PRDM10: variants seen among roughly 807,000 people sequenced by gnomAD.
PRDM10 encodes the protein PR/SET domain 10.
PRDM10 carries 65 observed loss-of-function variants against 133.1 expected under a neutral mutation model. The ratio of observed to expected loss-of-function variants is 0.49; its 90% CI spans 0.40 to 0.60. PRDM10 has a LOEUF of 0.60. Among genes scored for constraint, PRDM10 ranks in the 20% least tolerant of loss-of-function variants. PRDM10 has a pLI of 0.00. For synonymous variants in PRDM10, 582 were observed against 580.4 expected, an observed-to-expected ratio of 1.00 and a Z score of -0.04; for missense variants, 1,137 against 1,507.1, an observed-to-expected ratio of 0.75 and a Z score of 4.07.
At chr11:129,977,791 C>CA (rs1373716674) in intron 1 of PRDM10, among the ~76,000 whole-genome samples, 4 of 151,894 alleles carry the variant, frequency 2.6e-5, no homozygotes, top group Non-Finnish European at 5.9e-5. Flanking sequence ...CCCACTTTTA[C>CA]AAAAAATGCA....
rs1951350024 is a variant in PRDM10 at position 129,944,788 on chromosome 11, A to C, written c.745T>G (p.Cys249Gly). 8.1e-6 allele frequency: 13 copies of C among 1,613,794 alleles called. No homozygotes were observed. The East Asian group carries it at 2.7e-4, about 33-fold the overall frequency. Residue 249 changes from cysteine to glycine, a missense_variant, in exon 6 of 21, where the codon TGT becomes GGT. Physicochemically the swap from Cys to Gly is radical, Grantham distance 159 (BLOSUM62 -3). Transcript: ENST00000360871. ...PLVRGSELKD[C>G]YIHLKVSLDK... ...TAAATTACCTTGAGGTGAATGTAAC[A>C]GTCTTTCAGCTCCGAGCCCCTGACG...
intron 18 of PRDM10, 122 bp downstream of exon 18, chr11:129,911,962 TA>T: frequency 7.8e-7 from 1 of 1,282,420 alleles, no homozygotes. Context: ...GATCCTTTAA[TA>T]AAAATCCAAA....
chr11:129,921,531 C>G (rs533171232), intron 13 of PRDM10, among the ~76,000 whole-genome samples: 1 of 152,136 alleles, frequency 6.6e-6, no homozygotes, highest in South Asian at 2.1e-4. Context: ...GATTTATCTG[C>G]GTGAAGAGCT....
intron 11 of PRDM10, among the ~76,000 whole-genome samples, chr11:129,930,372 C>T (rs1220039983): frequency 2.6e-5 from 4 of 152,228 alleles, no homozygotes; most frequent in Non-Finnish European, 5.9e-5. Flanking sequence ...GAGTCAAATG[C>T]TATTTGTGAA....
At chr11:129,974,894 A>G (rs1937669225) in intron 1 of PRDM10, among the ~76,000 whole-genome samples, 1 of 152,220 alleles carries the variant, frequency 6.6e-6, no homozygotes, top group Admixed American at 6.5e-5. Context: ...CCTTGAGGAC[A>G]TTACGCAAAG....
intron 19 of PRDM10, among the ~76,000 whole-genome samples, chr11:129,907,436 G>A (rs375739603): frequency 2.6e-5 from 4 of 152,112 alleles, no homozygotes; most frequent in Admixed American, 1.3e-4. Context: ...ATGGAGTCTC[G>A]CTCTGATGCC....
At chr11:129,965,929 C>T (rs962660740) in intron 1 of PRDM10, among the ~76,000 whole-genome samples, 6 of 152,036 alleles carry the variant, frequency 3.9e-5, no homozygotes, top group Non-Finnish European at 8.8e-5. Context: ...ACACTCTGAT[C>T]CTCAGTATCC....
At chr11:129,979,513 G>A (rs73018827) in intron 1 of PRDM10, among the ~76,000 whole-genome samples, 10,196 of 152,158 alleles carry the variant, frequency 0.067, 564 homozygotes, top group Admixed American at 0.18. Context: ...GGTTGCAAGG[G>A]AGACTGTGAG....
intron 5 of PRDM10, among the ~76,000 whole-genome samples, chr11:129,946,697 G>T (rs1336261113): frequency 1.3e-5 from 2 of 152,130 alleles, no homozygotes; most frequent in African/African-American, 2.4e-5. Context: ...AAAGGAGGTA[G>T]TAGACTCAGG....
intron 6 of PRDM10, 96 bp downstream of exon 6, chr11:129,944,675 T>C (rs902807420): frequency 3.4e-6 from 5 of 1,489,466 alleles, no homozygotes; most frequent in Non-Finnish European, 4.5e-6. Flanking sequence ...AGCAAACAAC[T>C]GCTAAGAAAC....
intron 10 of PRDM10, among the ~76,000 whole-genome samples, chr11:129,931,761 G>A (rs896133043): frequency 2.0e-5 from 3 of 151,696 alleles, no homozygotes; most frequent in African/African-American, 7.3e-5. Flanking sequence ...GTAGAGACGG[G>A]GTTTCACCGT....
At chr11:129,971,974 C>T (rs538873885) in intron 1 of PRDM10, among the ~76,000 whole-genome samples, 1 of 152,342 alleles carries the variant, frequency 6.6e-6, no homozygotes, top group South Asian at 2.1e-4. Context: ...CCGAGCCCTG[C>T]CCCGCGGGAA....
intron 1 of PRDM10, among the ~76,000 whole-genome samples, chr11:129,980,846 G>A (rs570177616): frequency 6.7e-6 from 1 of 149,376 alleles, no homozygotes; most frequent in Admixed American, 6.7e-5. Context: ...ATAGCTAAAG[G>A]GTATGACATT....
intron 16 of PRDM10, among the ~76,000 whole-genome samples, 170 bp from the exon 17 acceptor site, chr11:129,915,188 A>G (rs1950318701): frequency 2.0e-5 from 3 of 152,190 alleles, no homozygotes; most frequent in African/African-American, 7.2e-5. Context: ...TAATGCTATG[A>G]AAGCAGGGAA....
At chr11:129,977,253 A>AACAC (rs1937809974) in intron 1 of PRDM10, among the ~76,000 whole-genome samples, 1 of 105,092 alleles carries the variant, frequency 9.5e-6, no homozygotes, top group Non-Finnish European at 1.8e-5. Context: ...ACATGACTAA[A>AACAC]ATACACACAC....
At position 129,942,415 on chromosome 11, in the gene PRDM10, C is replaced by A; in HGVS notation, c.966+11G>T. The A allele has an allele frequency of 6.2e-7, 1 of 1,611,870 alleles. No individual in the cohort carries two copies. The highest frequency in any genetic ancestry group is 8.5e-7 in the Non-Finnish European group (1 of 1,178,388). On this transcript the variant is annotated intron_variant, in intron 7 of 20. Transcript: ENST00000360871. ...CTAGCAAATAGCAGCACGGGTCAGG[C>A]AGCACTGTACCTTCAGTTCCTGCTT...
In PRDM10 at chr11:129,915,484, T is replaced by C. The variant is rs116513800; in HGVS notation, c.2526+176A>G. Among the ~76,000 whole-genome samples, 458 of 152,302 alleles carry C rather than the reference T, an allele frequency of 3.0e-3. 2 individuals are homozygous for C. Among genetic ancestry groups the C allele is most frequent in the African/African-American group, 0.01 (432 of 41,572 alleles). On this transcript the variant is annotated intron_variant, in intron 16 of 20. Transcript: ENST00000360871. ...ACTAATTCTGGGGAGGTCCACAGTA[T>C]CCTCTTTCCATTCTCTGCTGTGCTC...
chr11:129,949,543 C>T (rs191663143), intron 4 of PRDM10, among the ~76,000 whole-genome samples: 53 of 152,272 alleles, frequency 3.5e-4, no homozygotes, highest in African/African-American at 1.1e-3. Context: ...AACACCAATC[C>T]CTTCAGGCAT....
intron 6 of PRDM10, among the ~76,000 whole-genome samples, chr11:129,944,398 C>T (rs879632522): frequency 1.8e-4 from 27 of 150,432 alleles, no homozygotes; most frequent in South Asian, 4.2e-4. Context: ...ATCGAGACCA[C>T]GGTGAAACCC....
Sources: allele counts gnomAD v4.1 joint callset (sites outside exome capture counted in the v4.1 genomes callset), GRCh38; gene constraint gnomAD v4.1.1; transcripts MANE v1.5; gene names NCBI Gene and HGNC (gene_info 2026-07-23, HGNC 2026-07-21).